ZNF761: variants seen among roughly 807,000 people sequenced by gnomAD.
ZNF761 encodes the protein zinc finger protein 761.
In ZNF761, 43 loss-of-function variants were observed where a neutral mutation model predicts 59.9. The ratio of observed to expected loss-of-function variants is 0.72; its 90% CI spans 0.56 to 0.92. The LOEUF (loss-of-function observed/expected upper bound fraction) is 0.92, where lower values mean the gene tolerates loss of function less well. ZNF761 is among the 40% of genes least tolerant of loss of function. The pLI is 0.00. For synonymous variants in ZNF761, 294 were observed against 304.8 expected (o/e 0.96, Z 0.37); for missense variants, 850 against 906.1 (o/e 0.94, Z 0.79).
rs1427341141 is a variant in ZNF761 at position 53,445,966 on chromosome 19, C to T, written c.-184-261C>T. On this transcript the variant is annotated intron_variant, in intron 1 of 4. Transcript: ENST00000684525. ...TGCCCTCATCTCATGACTCCCTCTG[C>T]CCCAGTCACATTTGCTTTTCTGTTT... Among the ~76,000 whole-genome samples, 5 of 152,324 alleles carry T rather than the reference C, an allele frequency of 3.3e-5. No homozygotes were observed. In the East Asian group the frequency reaches 9.7e-4, roughly 29 times the overall value.
chr19:53,436,703 A>G (rs1480770774), intron 1 of ZNF761, among the ~76,000 whole-genome samples: 1 of 152,300 alleles, frequency 6.6e-6, no homozygotes, highest in East Asian at 1.9e-4. Flanking sequence ...ATGCTGGCCC[A>G]TTGTCTGACT....
At chr19:53,441,984 C>T (rs1044123788) in intron 1 of ZNF761, 35 of 1,349,032 alleles carry the variant, frequency 2.6e-5, no homozygotes, top group Non-Finnish European at 3.6e-5. Flanking sequence ...AAAAGGTGGG[C>T]CTGGGAACAG....
intron 2 of ZNF761, among the ~76,000 whole-genome samples, chr19:53,446,824 G>C (rs932067926): frequency 6.6e-6 from 1 of 152,156 alleles, no homozygotes; most frequent in Non-Finnish European, 1.5e-5. Context: ...TAGAGATGGG[G>C]TTTCACCATG....
At chr19:53,450,111 C>T (rs10775560) in intron 4 of ZNF761, 245,911 of 291,566 alleles carry the variant, frequency 0.84, 104,270 homozygotes, top group African/African-American at 0.97. Flanking sequence ...GAGACCAGCC[C>T]GGCCAACATG....
chr19:53,445,833 C>T (rs1568807477), intron 1 of ZNF761, among the ~76,000 whole-genome samples: 1 of 152,150 alleles, frequency 6.6e-6, no homozygotes, highest in African/African-American at 2.4e-5. Context: ...GGCAGGGAAC[C>T]CTCCACCAGC....
At chr19:53,436,712 C>T (rs12609110) in intron 1 of ZNF761, among the ~76,000 whole-genome samples, 50,991 of 152,106 alleles carry the variant, frequency 0.34, 9,010 homozygotes, top group Non-Finnish European at 0.37. Context: ...CATTGTCTGA[C>T]TTTAAAGGTA....
At chr19:53,436,120 A>G (rs1026617188) in intron 1 of ZNF761, among the ~76,000 whole-genome samples, 7 of 151,984 alleles carry the variant, frequency 4.6e-5, no homozygotes, top group African/African-American at 1.7e-4. Context: ...TGGCTGTTCC[A>G]CTTGTCCTGA....
intron 1 of ZNF761, among the ~76,000 whole-genome samples, chr19:53,434,183 G>A (rs1317696305): frequency 1.3e-5 from 2 of 152,186 alleles, no homozygotes; most frequent in Non-Finnish European, 2.9e-5. Context: ...GACTTATCTT[G>A]TGCCCAGGTA....
chr19:53,451,749 AT>A (rs747022735), intron 4 of ZNF761, among the ~76,000 whole-genome samples: 22,282 of 128,442 alleles, frequency 0.17, 2,054 homozygotes, highest in African/African-American at 0.28. Flanking sequence ...CACCCGGCTA[AT>A]TTTTTTTTTT....
rs189726775 is a variant in ZNF761 at position 53,454,315 on chromosome 19, A to G, written c.143-335A>G. 2.6e-5 allele frequency among the ~76,000 whole-genome samples: 4 copies of G among 152,332 alleles called. 1 individual carries two copies. The highest frequency in any genetic ancestry group is 2.6e-4 in the Admixed American group (4 of 15,296). On this transcript the variant is annotated intron_variant, in intron 4 of 4. Coordinates refer to ENST00000684525, the MANE Select transcript of ZNF761 (RefSeq NM_001289951.2). ...AATATGCTGTAAATATGAAGAATAT[A>G]TACTTTTCATTGATATGACAGTGAT...
At chr19:53,450,187 C>A (rs2086207944) in intron 4 of ZNF761, 1 of 196,318 alleles carries the variant, frequency 5.1e-6, no homozygotes, top group East Asian at 1.1e-4. Flanking sequence ...CCTGTAATCC[C>A]AGCTACTTGG....
Position 53,457,430 on chromosome 19 carries a change from A to G in ZNF761, c.*682A>G. 2.5e-6 allele frequency: 1 copy of G among 400,900 alleles called. No homozygotes were observed. Among genetic ancestry groups the G allele is most frequent in the East Asian group, 7.2e-5 (1 of 13,984 alleles). The allele number at this position is 400,900 out of a possible 1,614,324, so 24.8% of individuals were successfully genotyped here. A position where few individuals can be genotyped will look rare whatever the true frequency, so the allele number is the denominator to read the frequency against. ...CCTCACATGTGTGATGATAGTGGCA[A>G]AGCCTTCACTTCACACCTCATGAGA... On this transcript the variant is annotated 3_prime_UTR_variant, in exon 5 of 5. Transcript: ENST00000684525.
At position 53,447,541 on chromosome 19, in the gene ZNF761, G is replaced by A. The variant is rs2086173887; in HGVS notation, c.15+258G>A. ...AGACATGGATGGAGACGGGGTGAGG[G>A]TCCCATGGTGTCAGTGCTGTTGGAC... On this transcript the variant is annotated intron_variant, in intron 3 of 4. Coordinates refer to ENST00000684525, the MANE Select transcript of ZNF761 (RefSeq NM_001289951.2). 3.3e-5 allele frequency among the ~76,000 whole-genome samples: 5 copies of A among 152,122 alleles called. No homozygotes were observed. The South Asian group carries it at 1.0e-3, about 32-fold the overall frequency.
At chr19:53,453,884 TAAAA>T (rs2086241742) in intron 4 of ZNF761, among the ~76,000 whole-genome samples, 1 of 118,484 alleles carries the variant, frequency 8.4e-6, no homozygotes, top group Non-Finnish European at 1.8e-5. Flanking sequence ...CTCAAAAATA[TAAAA>T]ATAAAAAAAA....
chr19:53,454,579 G>T (rs940081469), intron 4 of ZNF761, 71 bp from the exon 5 acceptor site: 2 of 1,437,564 alleles, frequency 1.4e-6, no homozygotes, highest in Non-Finnish European at 1.9e-6. Context: ...TTTTTGTGTC[G>T]TATTTACACA....
Position 53,455,421 on chromosome 19 carries a change from A to G in ZNF761, c.914A>G (p.Lys305Arg), listed in dbSNP as rs373448412. The change falls in exon 5 of 5, where the codon AAA becomes AGA. Residue 305 changes from lysine to arginine, a missense_variant. Transcript: ENST00000684525. The part of the protein sequence containing the change: ...EKPYKCEECD[K>R]AFHFKSILER... ...CCTTACAAATGTGAAGAATGTGACA[A>G]AGCTTTCCATTTCAAATCAATACTT... The G allele has an allele frequency of 1.1e-5, 18 of 1,613,672 alleles. No individual in the cohort carries two copies. The highest frequency in any genetic ancestry group is 1.3e-5 in the African/African-American group (1 of 74,766).
intron 1 of ZNF761, among the ~76,000 whole-genome samples, chr19:53,438,509 C>T (rs11880243): frequency 0.29 from 44,485 of 152,026 alleles, 7,106 homozygotes; most frequent in Non-Finnish European, 0.36. Context: ...AAGGCTGGGG[C>T]CTGGGTTAAA....
chr19:53,456,866 C>T lies in ZNF761; in HGVS notation c.*118C>T. The T allele has an allele frequency of 1.7e-6, 2 of 1,160,044 alleles. No individual in the cohort carries two copies. Among genetic ancestry groups the T allele is most frequent in the Non-Finnish European group, 2.5e-6 (2 of 800,386 alleles). 71.9% of individuals were successfully genotyped at this position (1,160,044 alleles called of 1,614,324 possible). A position where few individuals can be genotyped will look rare whatever the true frequency, so the allele number is the denominator to read the frequency against. ...ATAAAGTTTACAGTGGCAAATCAAG[C>T]CTCAGAAGACAGGAGAATTCATACT... On this transcript the variant is annotated 3_prime_UTR_variant, in exon 5 of 5. Transcript: ENST00000684525.
intron 3 of ZNF761, among the ~76,000 whole-genome samples, chr19:53,447,889 A>G (rs1451096490): frequency 3.3e-5 from 5 of 152,352 alleles, no homozygotes; most frequent in African/African-American, 1.2e-4. Flanking sequence ...CAGGAGATTC[A>G]TTAAACCATT....
Sources: gnomAD v4.1 joint callset for allele counts (sites outside exome capture counted in the v4.1 genomes callset) on GRCh38, gnomAD v4.1.1 for gene constraint, MANE v1.5 for transcripts, NCBI Gene and HGNC (gene_info 2026-07-23, HGNC 2026-07-21) for gene names.